Variants in VAMP7 observed in about 807,000 individuals in gnomAD.
VAMP7 encodes the protein vesicle associated membrane protein 7.
Under a neutral mutation model 29.6 loss-of-function variants are expected in VAMP7, and 14 were observed. The observed-to-expected ratio is 0.47, with a 90% CI of 0.31 to 0.74. The LOEUF is 0.74. Among genes scored for constraint, VAMP7 ranks in the 30% least tolerant of loss-of-function variants. VAMP7 has a pLI of 0.05. For missense variants in VAMP7, 223 were observed against 262.4 expected (o/e 0.85, Z 1.04); for synonymous variants, 95 against 88.1 (o/e 1.08, Z -0.44).
chrX:155,901,681 T>C (rs921299244), intron 5 of VAMP7, among the ~76,000 whole-genome samples: 12 of 152,276 alleles, frequency 7.9e-5, no homozygotes, highest in Admixed American at 6.5e-4. Context: ...CAGATGGTTG[T>C]AGATATGTGG....
intron 2 of VAMP7, among the ~76,000 whole-genome samples, chrX:155,894,313 T>TG (rs1460659190): frequency 0.01 from 1,536 of 150,960 alleles, 30 homozygotes; most frequent in African/African-American, 0.035. Context: ...TTTTTTTTTT[T>TG]TTTTTTTTTT....
chrX:155,889,368 C>T, intron 1 of VAMP7, 90 bp from the exon 2 acceptor site: 2 of 1,471,670 alleles, frequency 1.4e-6, no homozygotes, highest in South Asian at 1.3e-5. Context: ...ATACTATCTC[C>T]AGGTAGTATG....
intron 5 of VAMP7, among the ~76,000 whole-genome samples, chrX:155,903,902 A>C (rs1205872632): frequency 6.6e-6 from 1 of 152,140 alleles, no homozygotes; most frequent in Non-Finnish European, 1.5e-5. Context: ...AGACACATGC[A>C]CACGTATGTT....
At chrX:155,930,474 CT>C (rs2066532037) in intron 6 of VAMP7, among the ~76,000 whole-genome samples, 1 of 126,034 alleles carries the variant, frequency 7.9e-6, no homozygotes. Context: ...GAGACCTTAT[CT>C]CTACAAAACC....
At chrX:155,918,906 A>G (rs1394186342) in intron 5 of VAMP7, among the ~76,000 whole-genome samples, 2 of 152,206 alleles carry the variant, frequency 1.3e-5, no homozygotes, top group Non-Finnish European at 2.9e-5. Flanking sequence ...GCATTGAATC[A>G]TCATTGCATC....
intron 2 of VAMP7, among the ~76,000 whole-genome samples, chrX:155,890,350 T>A (rs2065912410): frequency 6.6e-6 from 1 of 151,198 alleles, no homozygotes; most frequent in Non-Finnish European, 1.5e-5. Flanking sequence ...GTCAGGTTTG[T>A]TTTATTTATT....
At chrX:155,887,059 G>A (rs139950315) in intron 1 of VAMP7, among the ~76,000 whole-genome samples, 9 of 152,034 alleles carry the variant, frequency 5.9e-5, no homozygotes, top group African/African-American at 2.2e-4. Flanking sequence ...CTCCTTCCTT[G>A]TTATAAAATT....
intron 6 of VAMP7, among the ~76,000 whole-genome samples, chrX:155,932,955 G>A (rs2066586096): frequency 1.3e-5 from 2 of 152,154 alleles, no homozygotes; most frequent in African/African-American, 4.8e-5. Flanking sequence ...CATCTATTGA[G>A]ATGATCGTGT....
chrX:155,922,793 T>C (rs1250483445), intron 6 of VAMP7, among the ~76,000 whole-genome samples: 2 of 152,066 alleles, frequency 1.3e-5, no homozygotes, highest in Non-Finnish European at 2.9e-5. Flanking sequence ...AAGAATTTAC[T>C]AGTAAAGCAG....
intron 1 of VAMP7, among the ~76,000 whole-genome samples, chrX:155,881,692 GA>G (rs1001296510): frequency 2.0e-5 from 3 of 152,166 alleles, no homozygotes; most frequent in East Asian, 1.9e-4. Context: ...TTACAGGAGG[GA>G]AAAAATGTTA....
chrX:155,938,471 TA>T (rs34459597), intron 6 of VAMP7, among the ~76,000 whole-genome samples: 152,306 of 152,308 alleles, frequency 1, 76,152 homozygotes, highest in Middle Eastern at 1. Context: ...ATAATATACA[TA>T]AAGTGCATCA....
intron 6 of VAMP7, among the ~76,000 whole-genome samples, chrX:155,922,305 CT>C (rs976914567): frequency 1.3e-5 from 2 of 151,866 alleles, no homozygotes; most frequent in Non-Finnish European, 2.9e-5. Flanking sequence ...TATTGACCAT[CT>C]TGTGGGGAAA....
At chrX:155,901,419 A>G (rs1467792364) in intron 5 of VAMP7, among the ~76,000 whole-genome samples, 4 of 152,142 alleles carry the variant, frequency 2.6e-5, no homozygotes, top group African/African-American at 9.6e-5. Context: ...AATTGCTACA[A>G]TATTATTTAT....
chrX:155,918,600 G>A (rs983483169), intron 5 of VAMP7, among the ~76,000 whole-genome samples: 3 of 152,054 alleles, frequency 2.0e-5, no homozygotes, highest in East Asian at 3.9e-4. Flanking sequence ...ATGAGGCAAC[G>A]CCCCACCCTG....
intron 5 of VAMP7, among the ~76,000 whole-genome samples, chrX:155,900,944 GCA>G (rs1474232933): frequency 1.3e-5 from 2 of 152,018 alleles, no homozygotes; most frequent in East Asian, 3.9e-4. Context: ...AGGTTCTTTA[GCA>G]CAGTGTTAGA....
intron 6 of VAMP7, among the ~76,000 whole-genome samples, chrX:155,927,867 G>A (rs1403613961): frequency 6.7e-6 from 1 of 150,058 alleles, no homozygotes; most frequent in South Asian, 2.1e-4. Context: ...AGTCTTACTT[G>A]AAAAATAATG....
At chrX:155,916,123 C>G (rs1569444680) in intron 5 of VAMP7, among the ~76,000 whole-genome samples, 1 of 151,928 alleles carries the variant, frequency 6.6e-6, no homozygotes, top group African/African-American at 2.4e-5. Flanking sequence ...CCTTTTTTGT[C>G]TTTTTTGATC....
At chrX:155,887,802 A>C (rs2065882092) in intron 1 of VAMP7, among the ~76,000 whole-genome samples, 1 of 151,930 alleles carries the variant, frequency 6.6e-6, no homozygotes, top group Non-Finnish European at 1.5e-5. Flanking sequence ...ATGGTGGCAC[A>C]CACCTGTAGT....
At chrX:155,882,226 C>T (rs2065810922) in intron 1 of VAMP7, among the ~76,000 whole-genome samples, 1 of 152,204 alleles carries the variant, frequency 6.6e-6, no homozygotes, top group African/African-American at 2.4e-5. Context: ...ATTTATTGAA[C>T]GGCTGGTATA....
Sources: allele counts gnomAD v4.1 joint callset (sites outside exome capture counted in the v4.1 genomes callset), GRCh38; gene constraint gnomAD v4.1.1; transcripts MANE v1.5; gene names NCBI Gene and HGNC (gene_info 2026-07-23, HGNC 2026-07-21).